COL22A1: variants seen among roughly 807,000 people sequenced by gnomAD.
COL22A1 encodes the protein collagen type XXII alpha 1 chain, also known as collagen alpha-1(XXII) chain.
In COL22A1, 221 loss-of-function variants were observed where a neutral mutation model predicts 248.9. The ratio of observed to expected loss-of-function variants is 0.89; its 90% CI spans 0.80 to 0.99. The LOEUF (loss-of-function observed/expected upper bound fraction) is 0.99. Among genes scored for constraint, COL22A1 ranks in the 50% least tolerant of loss-of-function variants. The pLI is 0.00. For synonymous variants in COL22A1, 891 were observed against 793.4 expected, an observed-to-expected ratio of 1.12 and a Z score of -2.07; for missense variants, 2,240 against 2,179.0, an observed-to-expected ratio of 1.03 and a Z score of -0.56.
intron 17 of COL22A1, among the ~76,000 whole-genome samples, chr8:138,760,731 T>C (rs1490400846): frequency 6.6e-6 from 1 of 151,936 alleles, no homozygotes; most frequent in African/African-American, 2.4e-5. Context: ...CTGGCCAGGA[T>C]TAGTTAGGGC....
In COL22A1 at chr8:138,811,370, T is replaced by C. The variant is rs546392396; in HGVS notation, c.1449+429A>G. ...ACATATATACACACATATATATATA[T>C]ACACGTGTATATATATATGAATGAT... On this transcript the variant is annotated intron_variant, in intron 9 of 64. Transcript: ENST00000303045. 1.0e-4 allele frequency among the ~76,000 whole-genome samples: 14 copies of C among 138,244 alleles called. No individual in the cohort carries two copies. The South Asian group carries it at 3.1e-3, about 31-fold the overall frequency. 90.7% of individuals were successfully genotyped at this position (138,244 alleles called of 152,430 possible). A position where few individuals can be genotyped will look rare whatever the true frequency, so the allele number is the denominator to read the frequency against.
In COL22A1 at chr8:138,611,829, C is replaced by T. The variant is rs184347688; in HGVS notation, c.3978+2038G>A. Among the ~76,000 whole-genome samples the T allele has an allele frequency of 6.0e-4, 91 of 151,644 alleles. 1 individual carries two copies. Among genetic ancestry groups the T allele is most frequent in the African/African-American group, 2.1e-3 (86 of 41,526 alleles). On this transcript the variant is annotated intron_variant, in intron 56 of 64. Coordinates refer to ENST00000303045, the MANE Select transcript of COL22A1 (RefSeq NM_152888.3). ...ACCTCATAGGACCTGCCACACACCC[C>T]CTCTCTAGGATCTCAAAGACAAAGC...
Position 138,705,921 on chromosome 8 carries a change from A to G in COL22A1, c.2518-2574T>C, listed in dbSNP as rs986447735. ...GCAGAGACACACATAGGCTCAAAAC[A>G]AAGGGATAGAGGAAGATCTACCAAG... On this transcript the variant is annotated intron_variant, in intron 30 of 64. Transcript: ENST00000303045. Among the ~76,000 whole-genome samples the G allele has an allele frequency of 1.6e-4, 25 of 152,198 alleles. 1 individual carries two copies. Among genetic ancestry groups the G allele is most frequent in the Admixed American group, 2.6e-4 (4 of 15,280 alleles).
intron 9 of COL22A1, among the ~76,000 whole-genome samples, chr8:138,810,837 G>A (rs1818148587): frequency 6.6e-6 from 1 of 152,212 alleles, no homozygotes. Context: ...GCCCACTCCA[G>A]TTAACTCCCA....
chr8:138,806,284 T>C (rs1401921560), intron 10 of COL22A1, among the ~76,000 whole-genome samples: 1 of 140,598 alleles, frequency 7.1e-6, no homozygotes, highest in South Asian at 2.3e-4. Context: ...GATGGTGTGT[T>C]TGATGGTGTG....
At chr8:138,857,043 C>T (rs964810675) in intron 3 of COL22A1, among the ~76,000 whole-genome samples, 2 of 152,138 alleles carry the variant, frequency 1.3e-5, no homozygotes, top group Admixed American at 6.5e-5. Flanking sequence ...TCTGATTCTC[C>T]CTGCCTGTCC....
intron 1 of COL22A1, among the ~76,000 whole-genome samples, chr8:138,883,547 C>G (rs1039663320): frequency 2.6e-5 from 4 of 152,168 alleles, no homozygotes; most frequent in African/African-American, 9.7e-5. Context: ...TGGCTTGGCT[C>G]TGTGTCACCA....
intron 44 of COL22A1, 30 bp downstream of exon 44, chr8:138,660,406 A>G (rs1373623199): frequency 1.3e-6 from 2 of 1,596,374 alleles, no homozygotes; most frequent in East Asian, 2.2e-5. Flanking sequence ...CTGATAGTCA[A>G]TATTCATCCA....
intron 48 of COL22A1, among the ~76,000 whole-genome samples, chr8:138,636,218 C>A (rs1314479561): frequency 2.0e-5 from 3 of 151,960 alleles, no homozygotes; most frequent in Non-Finnish European, 4.4e-5. Context: ...GTAGGCCATG[C>A]TCAGATCCAC....
intron 5 of COL22A1, among the ~76,000 whole-genome samples, chr8:138,831,234 A>G (rs945295390): frequency 2.0e-5 from 3 of 152,156 alleles, no homozygotes; most frequent in African/African-American, 7.2e-5. Context: ...CCCCTACTCT[A>G]TGAGCTGGCG....
At chr8:138,775,005 AT>A (rs940822541) in intron 16 of COL22A1, among the ~76,000 whole-genome samples, 2 of 152,206 alleles carry the variant, frequency 1.3e-5, no homozygotes, top group Non-Finnish European at 2.9e-5. Flanking sequence ...GGATGGCAGG[AT>A]TACAGGCTAT....
At chr8:138,684,101 T>C (rs1249527925) in intron 39 of COL22A1, among the ~76,000 whole-genome samples, 1 of 151,764 alleles carries the variant, frequency 6.6e-6, no homozygotes, top group African/African-American at 2.4e-5. Flanking sequence ...CTACTAAAAA[T>C]ATACAAAACA....
At chr8:138,671,936 A>G (rs2130775139) in intron 41 of COL22A1, among the ~76,000 whole-genome samples, 1 of 151,892 alleles carries the variant, frequency 6.6e-6, no homozygotes, top group African/African-American at 2.4e-5. Context: ...AACATACAAA[A>G]CATGTGTTAC....
intron 3 of COL22A1, among the ~76,000 whole-genome samples, chr8:138,871,686 G>A (rs762867541): frequency 1.1e-4 from 16 of 152,160 alleles, no homozygotes; most frequent in African/African-American, 2.9e-4. Flanking sequence ...CAATGAATAT[G>A]CATTGAAAAA....
chr8:138,650,419 G>A (rs965223828), intron 45 of COL22A1, among the ~76,000 whole-genome samples: 3 of 152,138 alleles, frequency 2.0e-5, no homozygotes, highest in Non-Finnish European at 4.4e-5. Flanking sequence ...ATTGCTCCTC[G>A]AGTAAATTTA....
chr8:138,876,272 C>T (rs1427479429), intron 3 of COL22A1, among the ~76,000 whole-genome samples: 3 of 152,140 alleles, frequency 2.0e-5, no homozygotes, highest in Non-Finnish European at 4.4e-5. Flanking sequence ...TCATGCCCAT[C>T]CTCTAAACAA....
In COL22A1 at chr8:138,630,746, C is replaced by G. The variant is rs201322169; in HGVS notation, c.3612G>C (p.Gly1204=). ...MGPPGNPGPP[G]ADGIAGAAGP... Reference sequence around the variant, plus strand: ...CAGCAGCTCCTGCAATTCCATCTGCCCCCTAAAAAAGACAAGGCAGAAAGC... The same window carrying G: ...CAGCAGCTCCTGCAATTCCATCTGCGCCCTAAAAAAGACAAGGCAGAAAGC... The change falls in exon 50 of 65, where the codon GGG becomes GGC. Residue 1204 remains glycine, a splice_region_variant and synonymous_variant. Transcript: ENST00000303045. 651 of 1,613,760 alleles carry G rather than the reference C, an allele frequency of 4.0e-4. 3 individuals carry two copies. The highest frequency in any genetic ancestry group is 1.3e-4 in the Non-Finnish European group (157 of 1,179,820).
chr8:138,827,401 A>G (rs1453554248), intron 5 of COL22A1: 1 of 155,230 alleles, frequency 6.4e-6, no homozygotes, highest in Admixed American at 6.2e-5. Context: ...ATGTGAGAGT[A>G]CAGGGAAGGA....
At chr8:138,680,797 G>A (rs1825900016) in intron 39 of COL22A1, among the ~76,000 whole-genome samples, 1 of 152,208 alleles carries the variant, frequency 6.6e-6, no homozygotes, top group African/African-American at 2.4e-5. Context: ...ACTATGGAAA[G>A]CTTTCTAAGC....
Sources: allele counts gnomAD v4.1 joint callset (sites outside exome capture counted in the v4.1 genomes callset), GRCh38; gene constraint gnomAD v4.1.1; transcripts MANE v1.5; gene names NCBI Gene and HGNC (gene_info 2026-07-23, HGNC 2026-07-21).